Variants in CDC25C observed in about 807,000 individuals in gnomAD.
CDC25C encodes the protein M-phase inducer phosphatase 3.
Under a neutral mutation model 52.5 loss-of-function variants are expected in CDC25C, and 48 were observed. The ratio of observed to expected loss-of-function variants is 0.91; its 90% confidence interval spans 0.72 to 1.16. CDC25C has a LOEUF of 1.16. CDC25C is among the 50% of genes most tolerant of loss of function. The probability of loss-of-function intolerance (pLI) is 0.00; values close to 1 mark genes in which losing one functional copy is unlikely to be tolerated. For missense variants in CDC25C, 510 were observed against 566.1 expected, an observed-to-expected ratio of 0.90 and a Z score of 1.01; for synonymous variants, 187 against 206.5, an observed-to-expected ratio of 0.91 and a Z score of 0.81.
intron 11 of CDC25C, 52 bp downstream of exon 11, chr5:138,287,117 A>G: frequency 1.6e-6 from 2 of 1,240,188 alleles, no homozygotes; most frequent in Non-Finnish European, 1.2e-6. Context: ...ACTCTTCTCA[A>G]TAAAGAGTTA....
exon 1 of CDC25C, chr5:138,338,109 C>A (rs1326652879): frequency 7.8e-7 from 1 of 1,289,788 alleles, no homozygotes; most frequent in East Asian, 5.6e-5. Context: ...ACAGCGCTGT[C>A]CGAGAGACAC....
intron 1 of CDC25C, 103 bp downstream of exon 1, chr5:138,331,492 C>T: frequency 1.2e-6 from 1 of 869,146 alleles, no homozygotes; most frequent in Non-Finnish European, 1.5e-6. Context: ...TCGCGATAGT[C>T]CCCATTCGGC....
chr5:138,337,085 A>G (rs761619459), intron 1 of CDC25C: 1 of 152,240 alleles, frequency 6.6e-6, no homozygotes, highest in Non-Finnish European at 1.5e-5. Context: ...TTTCCAATCA[A>G]TTAAAAAAAA....
At chr5:138,297,388 C>T (rs187161152) in intron 7 of CDC25C, among the ~76,000 whole-genome samples, 1 of 152,150 alleles carries the variant, frequency 6.6e-6, no homozygotes, top group East Asian at 1.9e-4. Context: ...TACAGGCAGC[C>T]CCTACACTAG....
intron 8 of CDC25C, among the ~76,000 whole-genome samples, chr5:138,291,626 C>A (rs1251207044): frequency 1.3e-5 from 2 of 151,758 alleles, no homozygotes; most frequent in Non-Finnish European, 2.9e-5. Context: ...ACCGTGTTGC[C>A]CAGTCTGGTC....
chr5:138,320,977 C>T (rs1759334109), intron 6 of CDC25C, among the ~76,000 whole-genome samples: 1 of 149,788 alleles, frequency 6.7e-6, no homozygotes, highest in Non-Finnish European at 1.5e-5. Context: ...CACTTGCAGT[C>T]CCACCTACTT....
chr5:138,314,250 G>A (rs562003525), intron 7 of CDC25C, among the ~76,000 whole-genome samples: 86 of 148,594 alleles, frequency 5.8e-4, no homozygotes, highest in South Asian at 2.8e-3. Context: ...ACCTGCCTTG[G>A]CCTCTCAAAG....
chr5:138,321,363 A>G (rs1759369088), intron 6 of CDC25C, among the ~76,000 whole-genome samples: 2 of 152,216 alleles, frequency 1.3e-5, no homozygotes, highest in South Asian at 4.1e-4. Context: ...TGTACATTTT[A>G]CTGCAATTAA....
At chr5:138,309,703 C>T (rs1374235509) in intron 7 of CDC25C, among the ~76,000 whole-genome samples, 1 of 145,122 alleles carries the variant, frequency 6.9e-6, no homozygotes, top group Admixed American at 7.6e-5. Context: ...AAAACCTCCC[C>T]TGGCTCTCAA....
rs969583450 is a variant in CDC25C at position 138,307,589 on chromosome 5, A to G, written c.615+11630T>C. Among the ~76,000 whole-genome samples the G allele has an allele frequency of 2.0e-5, 3 of 151,972 alleles. 1 individual carries two copies. The highest frequency in any genetic ancestry group is 3.9e-4 in the East Asian group (2 of 5,190). On this transcript the variant is annotated intron_variant, in intron 7 of 13. Coordinates refer to ENST00000323760, the MANE Select transcript of CDC25C (RefSeq NM_001790.5). ...CAATCTAAGAAAATGAGCCCATAAAAGGACAATTTTAAAACATTTTTTATT... is the reference window on the plus strand; with the variant it reads ...CAATCTAAGAAAATGAGCCCATAAAGGGACAATTTTAAAACATTTTTTATT...
At chr5:138,329,052 G>A (rs1294193533) in intron 3 of CDC25C, among the ~76,000 whole-genome samples, 2 of 152,006 alleles carry the variant, frequency 1.3e-5, no homozygotes, top group South Asian at 2.1e-4. Flanking sequence ...CTACAGGCAC[G>A]TGCCACCATG....
intron 10 of CDC25C, among the ~76,000 whole-genome samples, chr5:138,288,748 T>C (rs188272314): frequency 5.9e-5 from 9 of 152,270 alleles, no homozygotes; most frequent in Admixed American, 4.6e-4. Context: ...TGGTTATCTC[T>C]GGTGATGAGA....
intron 9 of CDC25C, among the ~76,000 whole-genome samples, chr5:138,289,832 A>T (rs1183342114): frequency 6.6e-6 from 1 of 151,784 alleles, no homozygotes; most frequent in African/African-American, 2.4e-5. Flanking sequence ...AAAACCAAAT[A>T]TCTTACAAGA....
intron 4 of CDC25C, among the ~76,000 whole-genome samples, chr5:138,327,310 G>C (rs1759972082): frequency 6.9e-6 from 1 of 144,686 alleles, no homozygotes; most frequent in South Asian, 2.3e-4. Flanking sequence ...TATCTATCTG[G>C]GTTAGAGCAT....
intron 8 of CDC25C, among the ~76,000 whole-genome samples, chr5:138,291,672 G>A (rs1756726615): frequency 6.6e-6 from 1 of 151,784 alleles, no homozygotes; most frequent in South Asian, 2.1e-4. Context: ...GCCCGCCTCG[G>A]CCTCCCAAAG....
chr5:138,315,849 G>A (rs1383074871), intron 7 of CDC25C, among the ~76,000 whole-genome samples: 1 of 152,204 alleles, frequency 6.6e-6, no homozygotes, highest in Non-Finnish European at 1.5e-5. Flanking sequence ...GCTTGCTGCT[G>A]TCATCAAACT....
intron 7 of CDC25C, among the ~76,000 whole-genome samples, chr5:138,297,300 A>G (rs1439734775): frequency 6.6e-6 from 1 of 152,136 alleles, no homozygotes; most frequent in East Asian, 1.9e-4. Flanking sequence ...ACCTCAAGTG[A>G]TCGGCCCACC....
chr5:138,331,362 CTGAAT>C (rs1760371868), intron 1 of CDC25C, 144 bp from the exon 2 acceptor site: 2 of 708,980 alleles, frequency 2.8e-6, no homozygotes, highest in African/African-American at 3.6e-5. Context: ...AGGTTAGAAC[CTGAAT>C]TCACCGACGA....
intron 7 of CDC25C, among the ~76,000 whole-genome samples, chr5:138,293,692 G>A (rs996897854): frequency 2.0e-5 from 3 of 149,688 alleles, no homozygotes; most frequent in South Asian, 2.1e-4. Context: ...TGTCACTCTG[G>A]TTGGAGTGCA....
Sources: allele counts gnomAD v4.1 joint callset (sites outside exome capture counted in the v4.1 genomes callset), GRCh38; gene constraint gnomAD v4.1.1; transcripts MANE v1.5; gene names NCBI Gene and HGNC (gene_info 2026-07-23, HGNC 2026-07-21).